The following SLC38A4 variants were observed in gnomAD, a reference collection of about 807,000 sequenced individuals.
SLC38A4 encodes the protein sodium-coupled neutral amino acid transporter 4.
A neutral mutation model predicts 63.1 loss-of-function variants in SLC38A4; 20 were observed. That is an observed-to-expected ratio of 0.32 (90% CI 0.22 to 0.46). The LOEUF is 0.46. Among genes scored for constraint, SLC38A4 ranks in the 20% least tolerant of loss-of-function variants. SLC38A4 has a pLI of 1.00. For synonymous variants in SLC38A4, 230 were observed against 225.5 expected (o/e 1.02, Z -0.18); for missense variants, 526 against 663.6 (o/e 0.79, Z 2.28).
In SLC38A4 at chr12:46,765,578, T is replaced by C. The variant is rs1413196746; in HGVS notation, c.*1123A>G. The C allele has an allele frequency of 3.4e-5, 7 of 203,808 alleles. No individual in the cohort carries two copies. The highest frequency in any genetic ancestry group is 1.0e-5 in the Non-Finnish European group (1 of 97,624). 12.6% of individuals were successfully genotyped at this position (203,808 alleles called of 1,614,324 possible). On this transcript the variant is annotated 3_prime_UTR_variant, in exon 17 of 17. Transcript: ENST00000266579. ...TCAAATTTAAATTATCCCCAGACAT[T>C]TGTAGACAGATACATATGAATGGAT... is the stretch of plus-strand genomic sequence containing the variant.
chr12:46,799,650 C>G (rs1295272680), intron 2 of SLC38A4, among the ~76,000 whole-genome samples: 1 of 152,112 alleles, frequency 6.6e-6, no homozygotes, highest in African/African-American at 2.4e-5. Context: ...AAAGTTGAGA[C>G]ACTTTTTCAT....
chr12:46,811,546 C>A (rs748494194), intron 1 of SLC38A4, among the ~76,000 whole-genome samples: 1 of 151,988 alleles, frequency 6.6e-6, no homozygotes, highest in Non-Finnish European at 1.5e-5. Context: ...TCACAGAGGG[C>A]TGAGGATACC....
At chr12:46,809,622 T>C (rs1487836709) in intron 1 of SLC38A4, among the ~76,000 whole-genome samples, 1 of 152,100 alleles carries the variant, frequency 6.6e-6, no homozygotes, top group African/African-American at 2.4e-5. Context: ...CTTTTTGTAC[T>C]TTACGGTTGC....
intron 1 of SLC38A4, among the ~76,000 whole-genome samples, chr12:46,814,895 G>A (rs1184201824): frequency 6.6e-6 from 1 of 151,818 alleles, no homozygotes; most frequent in Non-Finnish European, 1.5e-5. Context: ...ACCTGGCTAA[G>A]ATTGCTTAGA....
chr12:46,803,454 A>T (rs1939171382), intron 2 of SLC38A4, 149 bp downstream of exon 2: 1 of 152,070 alleles, frequency 6.6e-6, no homozygotes, highest in South Asian at 2.1e-4. Flanking sequence ...CATTATACTG[A>T]ATTGATCATT....
At chr12:46,788,247 A>G (rs1189379581) in intron 4 of SLC38A4, among the ~76,000 whole-genome samples, 2 of 152,204 alleles carry the variant, frequency 1.3e-5, no homozygotes, top group African/African-American at 2.4e-5. Context: ...AAAAATACAA[A>G]TTACAAGGGG....
At chr12:46,820,705 T>C (rs981162610) in intron 1 of SLC38A4, among the ~76,000 whole-genome samples, 3 of 152,016 alleles carry the variant, frequency 2.0e-5, no homozygotes, top group African/African-American at 7.2e-5. Context: ...AAAGTGGGAT[T>C]GTAGGATCAT....
intron 1 of SLC38A4, among the ~76,000 whole-genome samples, chr12:46,815,008 G>A (rs1365361521): frequency 6.6e-6 from 1 of 151,666 alleles, no homozygotes; most frequent in Non-Finnish European, 1.5e-5. Context: ...TCATTTCAGT[G>A]TGGAGAAATA....
chr12:46,785,738 C>CCTTTTTTTTTTTTTTT (rs1489385010), intron 5 of SLC38A4, among the ~76,000 whole-genome samples: 1 of 66,900 alleles, frequency 1.5e-5, no homozygotes, highest in Non-Finnish European at 2.9e-5. Flanking sequence ...ACGAAAATTC[C>CCTTTTTTTTTTTTTTT]TTTTTTTTTT....
chr12:46,776,476 G>A (rs1010019122), intron 13 of SLC38A4, among the ~76,000 whole-genome samples: 1 of 152,014 alleles, frequency 6.6e-6, no homozygotes, highest in African/African-American at 2.4e-5. Context: ...TGACTTGACT[G>A]GTAAAGAGGA....
intron 7 of SLC38A4, among the ~76,000 whole-genome samples, chr12:46,781,716 G>A (rs374187309): frequency 3.3e-5 from 5 of 151,920 alleles, no homozygotes; most frequent in East Asian, 1.9e-4. Flanking sequence ...TTAAAGTCAC[G>A]CCTCTTACCT....
intron 2 of SLC38A4, among the ~76,000 whole-genome samples, chr12:46,795,917 G>T (rs1476731611): frequency 7.4e-6 from 1 of 135,028 alleles, no homozygotes; most frequent in Admixed American, 7.5e-5. Flanking sequence ...CATGCAGACG[G>T]CCCAATCAAA....
intron 12 of SLC38A4, among the ~76,000 whole-genome samples, chr12:46,777,810 C>T (rs556187849): frequency 3.3e-5 from 5 of 151,896 alleles, no homozygotes; most frequent in African/African-American, 1.2e-4. Context: ...CTCTATTGTA[C>T]AAATAAGACA....
intron 1 of SLC38A4, among the ~76,000 whole-genome samples, chr12:46,818,845 T>A (rs1185338765): frequency 1.3e-5 from 2 of 151,948 alleles, no homozygotes; most frequent in African/African-American, 4.8e-5. Flanking sequence ...CAAGTGCCTC[T>A]GGGTGAGTAG....
At chr12:46,821,594 T>C (rs1481203399) in intron 1 of SLC38A4, among the ~76,000 whole-genome samples, 4 of 152,158 alleles carry the variant, frequency 2.6e-5, no homozygotes, top group East Asian at 3.9e-4. Context: ...TCAGTTACTA[T>C]AGCTTTGTAA....
At chr12:46,784,986 T>C (rs1449183033) in intron 6 of SLC38A4, 118 bp downstream of exon 6, 2 of 928,964 alleles carry the variant, frequency 2.2e-6, no homozygotes, top group Non-Finnish European at 3.5e-6. Context: ...GTCACTGGGC[T>C]CAGAAGAAAA....
At chr12:46,826,542 A>G (rs141085378), upstream of SLC38A4, among the ~76,000 whole-genome samples, 41 of 152,360 alleles carry the variant, frequency 2.7e-4, no homozygotes, top group African/African-American at 8.2e-4. Flanking sequence ...ATGTTTTACA[A>G]ATATTCACTA....
intron 1 of SLC38A4, among the ~76,000 whole-genome samples, chr12:46,821,144 G>A (rs778718438): frequency 6.6e-6 from 1 of 152,088 alleles, no homozygotes; most frequent in East Asian, 1.9e-4. Flanking sequence ...TTCCTTCGCT[G>A]TGCAGAAGCC....
intron 2 of SLC38A4, among the ~76,000 whole-genome samples, chr12:46,799,828 C>T (rs1939093668): frequency 6.6e-6 from 1 of 151,998 alleles, no homozygotes; most frequent in South Asian, 2.1e-4. Context: ...ATCATAATTG[C>T]TAAAATTTAA....
Sources: allele counts gnomAD v4.1 joint callset (sites outside exome capture counted in the v4.1 genomes callset), GRCh38; gene constraint gnomAD v4.1.1; transcripts MANE v1.5; gene names NCBI Gene and HGNC (gene_info 2026-07-23, HGNC 2026-07-21).